Variants in PTPRN2 observed in about 807,000 individuals in gnomAD.
PTPRN2 encodes the protein protein tyrosine phosphatase receptor type N2, also known as receptor-type tyrosine-protein phosphatase N2.
PTPRN2 carries 74 observed loss-of-function variants against 118.8 expected under a neutral mutation model. The ratio of observed to expected loss-of-function variants is 0.62; its 90% CI spans 0.52 to 0.76. The LOEUF (loss-of-function observed/expected upper bound fraction) is 0.76. Among genes scored for constraint, PTPRN2 ranks in the 30% least tolerant of loss-of-function variants. PTPRN2 has a pLI of 0.00. For missense variants in PTPRN2, 1,481 were observed against 1,394.4 expected, an observed-to-expected ratio of 1.06 and a Z score of -0.99; for synonymous variants, 641 against 608.0, an observed-to-expected ratio of 1.05 and a Z score of -0.80.
chr7:157,633,044 C>T (rs73163832), intron 14 of PTPRN2, among the ~76,000 whole-genome samples: 5 of 152,242 alleles, frequency 3.3e-5, no homozygotes, highest in African/African-American at 7.2e-5. Context: ...TGATTAAGCA[C>T]GTCCTATAAG....
At chr7:157,796,413 C>T (rs552515815) in intron 12 of PTPRN2, among the ~76,000 whole-genome samples, 1 of 152,344 alleles carries the variant, frequency 6.6e-6, no homozygotes, top group South Asian at 2.1e-4. Flanking sequence ...CTCTGCTGCC[C>T]CTGCGGGGTA....
At chr7:158,032,316 C>T (rs571028748) in intron 11 of PTPRN2, among the ~76,000 whole-genome samples, 2 of 152,270 alleles carry the variant, frequency 1.3e-5, no homozygotes, top group African/African-American at 2.4e-5. Context: ...CTCTAGGCCA[C>T]ATTAGAGACA....
chr7:158,204,026 G>A (rs1214268189), intron 4 of PTPRN2, among the ~76,000 whole-genome samples: 1 of 151,214 alleles, frequency 6.6e-6, no homozygotes, highest in Non-Finnish European at 1.5e-5. Flanking sequence ...CCTGCCCTCA[G>A]CGTGAGCCGC....
intron 2 of PTPRN2, among the ~76,000 whole-genome samples, chr7:158,352,432 A>C (rs1808075048): frequency 6.6e-6 from 1 of 152,214 alleles, no homozygotes; most frequent in Admixed American, 6.5e-5. Flanking sequence ...CCCAAGGATC[A>C]GCTTCGATAG....
At chr7:157,661,049 G>A (rs899263017) in intron 13 of PTPRN2, among the ~76,000 whole-genome samples, 12 of 152,188 alleles carry the variant, frequency 7.9e-5, no homozygotes, top group Non-Finnish European at 1.3e-4. Flanking sequence ...CCACTGCACC[G>A]GGCCAAAGTC....
At chr7:158,280,411 G>A (rs1341173525) in intron 3 of PTPRN2, among the ~76,000 whole-genome samples, 1 of 152,212 alleles carries the variant, frequency 6.6e-6, no homozygotes, top group Non-Finnish European at 1.5e-5. Context: ...AGCGACGAGG[G>A]CAGGAGCCGC....
At chr7:157,908,290 G>A (rs1220571103) in intron 11 of PTPRN2, among the ~76,000 whole-genome samples, 1 of 152,242 alleles carries the variant, frequency 6.6e-6, no homozygotes, top group Non-Finnish European at 1.5e-5. Flanking sequence ...TGCGAGCCTT[G>A]AAAGGGCCTC....
chr7:158,149,107 T>A (rs1307238271), intron 6 of PTPRN2, among the ~76,000 whole-genome samples: 4 of 149,300 alleles, frequency 2.7e-5, no homozygotes, highest in African/African-American at 7.5e-5. Context: ...ACGCCACACG[T>A]CTTTCCCCCT....
intron 12 of PTPRN2, among the ~76,000 whole-genome samples, chr7:157,767,820 C>A (rs1293803829): frequency 6.6e-6 from 1 of 152,254 alleles, no homozygotes; most frequent in Non-Finnish European, 1.5e-5. Flanking sequence ...CCAGCTGAAG[C>A]AGAAACTTCC....
At chr7:158,202,372 A>C (rs1338409264) in intron 4 of PTPRN2, among the ~76,000 whole-genome samples, 2 of 152,120 alleles carry the variant, frequency 1.3e-5, no homozygotes, top group East Asian at 3.9e-4. Flanking sequence ...GTCGGGCATG[A>C]GGAAGGCACC....
intron 2 of PTPRN2, among the ~76,000 whole-genome samples, chr7:158,338,586 T>A (rs1457647723): frequency 8.7e-6 from 1 of 114,432 alleles, no homozygotes; most frequent in Non-Finnish European, 1.8e-5. Context: ...ACACCCACAC[T>A]CTCACCATAA....
chr7:157,671,826 G>A lies in PTPRN2; in HGVS notation c.2001+10899C>T, dbSNP rs913894556. ...AAGAGCTTCTTCCTACCAGACCCCCGAAGGCCAGGGTCTGGGGGCCTGCTG... is the reference window on the plus strand; with the variant it reads ...AAGAGCTTCTTCCTACCAGACCCCCAAAGGCCAGGGTCTGGGGGCCTGCTG... On this transcript the variant is annotated intron_variant, in intron 13 of 22. Transcript: ENST00000389418. The surrounding 1 kb of genome is among the most constrained non-coding windows in gnomAD (Gnocchi z 4.1). Among the ~76,000 whole-genome samples the A allele has an allele frequency of 6.6e-6, 1 of 152,140 alleles. No individual in the cohort carries two copies. The highest frequency in any genetic ancestry group is 1.5e-5 in the Non-Finnish European group (1 of 68,030).
chr7:157,823,647 T>C (rs1457996972), intron 12 of PTPRN2, among the ~76,000 whole-genome samples: 1 of 152,232 alleles, frequency 6.6e-6, no homozygotes, highest in Non-Finnish European at 1.5e-5. Flanking sequence ...GACTACAGGT[T>C]AGATCATCAA....
intron 2 of PTPRN2, among the ~76,000 whole-genome samples, chr7:158,330,470 C>A (rs1389653438): frequency 1.0e-5 from 1 of 95,900 alleles, no homozygotes; most frequent in African/African-American, 3.3e-5. Flanking sequence ...CACTCACACC[C>A]ACACTCTCAC....
chr7:157,623,763 T>C (rs1367643553), intron 14 of PTPRN2, among the ~76,000 whole-genome samples: 1 of 152,210 alleles, frequency 6.6e-6, no homozygotes, highest in African/African-American at 2.4e-5. Context: ...CAGAGGCACG[T>C]GACTCTATTA....
In PTPRN2 at chr7:158,300,171, TAACTG is replaced by T. The variant is rs1360769599; in HGVS notation, c.277+16643_277+16647del. On this transcript the variant is annotated intron_variant, in intron 3 of 22. Transcript: ENST00000389418. ...GGGTCAATGAAGAAGCAAAGTTTCT[TAACTG>T]AAGTCCATTTCATAGAAACAAATGC... Among the ~76,000 whole-genome samples, 3 of 152,152 alleles carry T rather than the reference TAACTG, an allele frequency of 2.0e-5. No homozygotes were observed. In the East Asian group the frequency reaches 5.8e-4, roughly 29 times the overall value.
At chr7:157,902,684 A>G (rs1318293466) in intron 11 of PTPRN2, among the ~76,000 whole-genome samples, 1 of 152,240 alleles carries the variant, frequency 6.6e-6, no homozygotes, top group Non-Finnish European at 1.5e-5. Flanking sequence ...TCTTTAACCC[A>G]TTGATCACTA....
chr7:157,819,710 G>A (rs932524863), intron 12 of PTPRN2, among the ~76,000 whole-genome samples: 10 of 152,084 alleles, frequency 6.6e-5, no homozygotes, highest in Non-Finnish European at 1.2e-4. Context: ...TCCCTGTCAC[G>A]TCTCCTGGAA....
In PTPRN2 at chr7:157,785,469, C is replaced by A. The variant is rs555710674; in HGVS notation, c.1789-102532G>T. 4.8e-4 allele frequency among the ~76,000 whole-genome samples: 73 copies of A among 152,300 alleles called. No individual in the cohort carries two copies. The highest frequency in any genetic ancestry group is 1.7e-3 in the African/African-American group (69 of 41,582). On this transcript the variant is annotated intron_variant, in intron 12 of 22. Transcript: ENST00000389418. This position sits in a 1 kb window ranked among gnomAD's most constrained non-coding sequence, Gnocchi z 7.3. ...AGAGGGGCCCCAGGCCGGCCCCACT[C>A]CCAGACTAGAGCCAGCACTCGCGGG...
Sources: gnomAD v4.1 joint callset for allele counts (sites outside exome capture counted in the v4.1 genomes callset) on GRCh38, gnomAD v4.1.1 for gene constraint, Gnocchi (gnomAD v3.1) non-coding constraint, MANE v1.5 for transcripts, NCBI Gene and HGNC (gene_info 2026-07-23, HGNC 2026-07-21) for gene names.